Variants in RNF169 observed in about 807,000 individuals in gnomAD.
The protein encoded by RNF169 is ring finger protein 169.
Under a neutral mutation model 53.9 loss-of-function variants are expected in RNF169, and 24 were observed. The ratio of observed to expected loss-of-function variants is 0.45; its 90% CI spans 0.32 to 0.63. RNF169 has a LOEUF of 0.63. RNF169 is among the 20% of genes least tolerant of loss of function. The pLI is 0.04. For synonymous variants in RNF169, 396 were observed against 363.5 expected (o/e 1.09, Z -1.02); for missense variants, 883 against 906.2 (o/e 0.97, Z 0.33).
chr11:74,823,109 T>G (rs2036039985), intron 4 of RNF169, among the ~76,000 whole-genome samples: 1 of 152,232 alleles, frequency 6.6e-6, no homozygotes. Context: ...ATTATCTGGG[T>G]ATTATGTTTA....
At chr11:74,834,041 T>G (rs2135152324) in intron 4 of RNF169, among the ~76,000 whole-genome samples, 1 of 152,358 alleles carries the variant, frequency 6.6e-6, no homozygotes, top group East Asian at 1.9e-4. Context: ...TGGTACTTAC[T>G]ATGCTATAGT....
At chr11:74,825,440 A>G (rs1169686204) in intron 4 of RNF169, among the ~76,000 whole-genome samples, 2 of 152,214 alleles carry the variant, frequency 1.3e-5, no homozygotes, top group Non-Finnish European at 2.9e-5. Flanking sequence ...CACCCTCTTA[A>G]GACTGAACCA....
intron 1 of RNF169, among the ~76,000 whole-genome samples, chr11:74,784,211 GAAATC>G (rs1184805483): frequency 6.6e-6 from 1 of 152,160 alleles, no homozygotes; most frequent in African/African-American, 2.4e-5. Context: ...AAATAAAAGT[GAAATC>G]AAAGTATTGT....
rs1435506822 is a variant in RNF169 at position 74,749,038 on chromosome 11, C to A, written c.158C>A (p.Pro53Gln). 2 of 1,471,970 alleles carry A rather than the reference C, an allele frequency of 1.4e-6. No homozygotes were observed. Among genetic ancestry groups the A allele is most frequent in the Non-Finnish European group, 1.8e-6 (2 of 1,109,626 alleles). The allele number at this position is 1,471,970 out of a possible 1,614,324, so 91.2% of individuals were successfully genotyped here. Reference protein sequence around the residue: ...SGPSLLVLSPPLLQPPLPPRP... With the variant: ...SGPSLLVLSPQLLQPPLPPRP... ...CCTTCGCTGTTGGTGTTGTCGCCGC[C>A]GTTGCTGCAGCCGCCGCTGCCGCCG... The change falls in exon 1 of 6, where the codon CCG (proline) becomes CAG (glutamine). Residue 53 changes from proline to glutamine, a missense_variant. This residue lies in a region of RNF169 where 313 missense variants were observed against 279.9 expected (regional missense o/e 1.12). Coordinates refer to ENST00000299563, the MANE Select transcript of RNF169 (RefSeq NM_001098638.2).
intron 4 of RNF169, among the ~76,000 whole-genome samples, chr11:74,819,021 A>G (rs1364075762): frequency 6.6e-6 from 1 of 151,744 alleles, no homozygotes; most frequent in Non-Finnish European, 1.5e-5. Context: ...TCTTGTAAAT[A>G]GAGTGTAACC....
chr11:74,776,395 C>G (rs946205923), intron 1 of RNF169, among the ~76,000 whole-genome samples: 1 of 151,028 alleles, frequency 6.6e-6, no homozygotes, highest in Non-Finnish European at 1.5e-5. Flanking sequence ...ATAAATTCAC[C>G]TTTGCCTTAA....
intron 1 of RNF169, among the ~76,000 whole-genome samples, chr11:74,760,000 T>C (rs1237008653): frequency 6.6e-5 from 10 of 151,348 alleles, no homozygotes; most frequent in Non-Finnish European, 1.2e-4. Flanking sequence ...CTGTTATTGG[T>C]CTATTCAGAG....
Position 74,810,201 on chromosome 11 carries a change from ACAAGAGGAAAAACCC to A in RNF169, c.595_609del (p.Gln199_Pro203del). ...ATTTTTAGCTGAGAGAAGAAAAGTTACAAGAGGAAAAACCCTCTGAAGATCAAATCCACAAGCTGT... is the reference window on the plus strand; with the variant it reads ...ATTTTTAGCTGAGAGAAGAAAAGTTATCTGAAGATCAAATCCACAAGCTGT... On this transcript the variant is annotated inframe_deletion, in exon 3 of 6. Transcript: ENST00000299563. The A allele has an allele frequency of 6.2e-7, 1 of 1,609,708 alleles. No homozygotes were observed. Among genetic ancestry groups the A allele is most frequent in the Non-Finnish European group, 8.5e-7 (1 of 1,178,972 alleles).
chr11:74,749,472 T>A (rs187201698), intron 1 of RNF169, 90 bp downstream of exon 1: 9 of 1,042,226 alleles, frequency 8.6e-6, no homozygotes, highest in East Asian at 4.4e-5. Flanking sequence ...TCCCGGGCCC[T>A]ACTCGGGCGG....
At chr11:74,795,229 T>C (rs1252112387) in intron 2 of RNF169, among the ~76,000 whole-genome samples, 2 of 151,156 alleles carry the variant, frequency 1.3e-5, no homozygotes, top group Non-Finnish European at 3.0e-5. Flanking sequence ...CTTTTTTTTT[T>C]TTTTTTTTGA....
intron 1 of RNF169, among the ~76,000 whole-genome samples, chr11:74,758,333 G>T (rs1266660333): frequency 6.8e-6 from 1 of 146,356 alleles, no homozygotes; most frequent in Non-Finnish European, 1.5e-5. Context: ...ATTTCTGAGG[G>T]CTCTGTTCTG....
rs186197979 is a variant in RNF169, at chr11:74,789,477, A to G, written c.503-149A>G. The G allele has an allele frequency of 4.3e-4, 215 of 496,712 alleles. 1 individual carries two copies. Among genetic ancestry groups the G allele is most frequent in the African/African-American group, 3.7e-3 (192 of 52,520 alleles). 30.8% of individuals were successfully genotyped at this position (496,712 alleles called of 1,614,324 possible). On this transcript the variant is annotated intron_variant, in intron 1 of 5. Coordinates refer to ENST00000299563, the MANE Select transcript of RNF169 (RefSeq NM_001098638.2). ...GAGACAGAAGTGTATACTTTCCTCTACCTTTTTGATAGTATTTAAGACTTA... is the reference window on the plus strand; with the variant it reads ...GAGACAGAAGTGTATACTTTCCTCTGCCTTTTTGATAGTATTTAAGACTTA...
At position 74,821,931 on chromosome 11, in the gene RNF169, T is replaced by G. The variant is rs368381625; in HGVS notation, c.842+4217T>G. On this transcript the variant is annotated intron_variant, in intron 4 of 5. Transcript: ENST00000299563. ...TATAGACAAGGCAGATAACCCAGAG[T>G]GTAACAAAATATTACCAACTTCTGG... Among the ~76,000 whole-genome samples, 7 of 151,982 alleles carry G rather than the reference T, an allele frequency of 4.6e-5. No homozygotes were observed. The South Asian group carries it at 8.3e-4, about 18-fold the overall frequency.
intron 1 of RNF169, among the ~76,000 whole-genome samples, chr11:74,773,655 A>G (rs1193493550): frequency 6.6e-6 from 1 of 152,174 alleles, no homozygotes; most frequent in Non-Finnish European, 1.5e-5. Context: ...ATTTTTCACT[A>G]AATACTTCAG....
chr11:74,830,436 T>C (rs181658611), intron 4 of RNF169: 1 of 152,188 alleles, frequency 6.6e-6, no homozygotes, highest in East Asian at 1.9e-4. Flanking sequence ...AATGTACCAG[T>C]TCCTAGAGTG....
chr11:74,801,271 G>A (rs767596363), intron 2 of RNF169, among the ~76,000 whole-genome samples: 3 of 152,182 alleles, frequency 2.0e-5, no homozygotes, highest in Non-Finnish European at 4.4e-5. Flanking sequence ...CGTTTGCTGT[G>A]AGTTCAGGAT....
At chr11:74,762,305 G>A (rs916058253) in intron 1 of RNF169, among the ~76,000 whole-genome samples, 94 of 151,694 alleles carry the variant, frequency 6.2e-4, no homozygotes, top group African/African-American at 1.9e-3. Flanking sequence ...CTCTCAGCTC[G>A]TCAAAATCAT....
intron 1 of RNF169, among the ~76,000 whole-genome samples, chr11:74,788,473 A>C (rs938132385): frequency 6.6e-6 from 1 of 152,106 alleles, no homozygotes; most frequent in Non-Finnish European, 1.5e-5. Context: ...ACTCACTGCA[A>C]CTTCTGCCTC....
At chr11:74,788,536 G>T (rs995522161) in intron 1 of RNF169, among the ~76,000 whole-genome samples, 2 of 151,960 alleles carry the variant, frequency 1.3e-5, no homozygotes, top group African/African-American at 2.4e-5. Context: ...GGGATTACAG[G>T]TGCCCACCAC....
Sources: gnomAD v4.1 joint callset for allele counts (sites outside exome capture counted in the v4.1 genomes callset) on GRCh38, gnomAD v4.1.1 for gene constraint, gnomAD v4.1.1 regional missense constraint, MANE v1.5 for transcripts, NCBI Gene and HGNC (gene_info 2026-07-23, HGNC 2026-07-21) for gene names.